The following UBR3 variants were observed in gnomAD, a reference collection of about 807,000 sequenced individuals.
The protein encoded by UBR3 is E3 ubiquitin-protein ligase UBR3.
Under a neutral mutation model 243.2 loss-of-function variants are expected in UBR3, and 85 were observed. That is an observed-to-expected ratio of 0.35 (90% CI 0.29 to 0.42). The LOEUF (loss-of-function observed/expected upper bound fraction) is 0.42, where lower values mean the gene tolerates loss of function less well. UBR3 is among the 10% of genes least tolerant of loss of function. The pLI is 1.00. For missense variants in UBR3, 1,686 were observed against 2,300.8 expected (o/e 0.73, Z 5.47); for synonymous variants, 748 against 799.8 (o/e 0.94, Z 1.09).
intron 5 of UBR3, among the ~76,000 whole-genome samples, chr2:169,890,538 GAGATATATAT>G (rs1363872256): frequency 1.3e-5 from 1 of 77,572 alleles, no homozygotes; most frequent in Non-Finnish European, 2.3e-5. Context: ...GAGAGAGAGA[GAGATATATAT>G]ATATATATAT....
In UBR3 at chr2:170,001,912, C is replaced by CAA. The variant is rs71006062; in HGVS notation, c.4029+527_4029+528dup. Reference sequence around the variant, plus strand: ...TGGGCAACAGAGAGAGACTCCATCTCAAAAAAAAAAAAAAAAAAAAAAAAA... The same window carrying CAA: ...TGGGCAACAGAGAGAGACTCCATCTCAAAAAAAAAAAAAAAAAAAAAAAAAAA... On this transcript the variant is annotated intron_variant, in intron 27 of 38. Coordinates refer to ENST00000272793, the MANE Select transcript of UBR3 (RefSeq NM_172070.4). Among the ~76,000 whole-genome samples, 60 of 67,486 alleles carry CAA rather than the reference C, an allele frequency of 8.9e-4. 1 individual carries two copies. The highest frequency in any genetic ancestry group is 2.4e-3 in the African/African-American group (34 of 14,110). The allele number at this position is 67,486 out of a possible 152,430, so 44.3% of individuals were successfully genotyped here.
chr2:169,914,016 T>C (rs748353153), intron 10 of UBR3, 44 bp from the exon 11 acceptor site: 1 of 901,244 alleles, frequency 1.1e-6, no homozygotes, highest in Non-Finnish European at 1.5e-6. Context: ...TGAAAATATA[T>C]GTTTATATAT....
At position 169,841,960 on chromosome 2, in the gene UBR3, C is replaced by G. The variant is rs1021838262; in HGVS notation, c.545+13908C>G. ...TGGCAGGCAGCTCCACCTGTAGCCC[C>G]GGTGCGGGATCCACTAGGTGAAGCC... On this transcript the variant is annotated intron_variant, in intron 1 of 38. Coordinates refer to ENST00000272793, the MANE Select transcript of UBR3 (RefSeq NM_172070.4). 7.2e-5 allele frequency among the ~76,000 whole-genome samples: 11 copies of G among 152,354 alleles called. No individual in the cohort carries two copies. The East Asian group carries it at 1.9e-3, about 27-fold the overall frequency.
chr2:169,938,296 C>G (rs1255506988), intron 19 of UBR3, among the ~76,000 whole-genome samples: 1 of 147,918 alleles, frequency 6.8e-6, no homozygotes, highest in African/African-American at 2.5e-5. Context: ...TTTTGAGACA[C>G]TGTCACTCTG....
Position 169,868,809 on chromosome 2 carries a change from AAGACTAAAAT to A in UBR3, c.546-3425_546-3416del, listed in dbSNP as rs1330613715. Among the ~76,000 whole-genome samples, 3 of 152,346 alleles carry A rather than the reference AAGACTAAAAT, an allele frequency of 2.0e-5. No homozygotes were observed. In the East Asian group the frequency reaches 5.8e-4, roughly 29 times the overall value. On this transcript the variant is annotated intron_variant, in intron 1 of 38. Coordinates refer to ENST00000272793, the MANE Select transcript of UBR3 (RefSeq NM_172070.4). ...CCTCGGAAAGGAATTTCCTTTTTGA[AAGACTAAAAT>A]ATGCCTTTCAAAAATTCTTTTCAGA...
At chr2:169,995,760 A>T (rs529638690) in intron 26 of UBR3, among the ~76,000 whole-genome samples, 1 of 152,196 alleles carries the variant, frequency 6.6e-6, no homozygotes, top group African/African-American at 2.4e-5. Context: ...TTACAAACTT[A>T]GTAGTTTTTT....
intron 11 of UBR3, among the ~76,000 whole-genome samples, chr2:169,916,731 C>T (rs2085478627): frequency 6.6e-6 from 1 of 152,088 alleles, no homozygotes; most frequent in Admixed American, 6.5e-5. Flanking sequence ...TTTGATTCCC[C>T]ATGCCAGGTC....
intron 24 of UBR3, among the ~76,000 whole-genome samples, chr2:169,966,202 A>C (rs947825133): frequency 6.6e-6 from 1 of 152,016 alleles, no homozygotes; most frequent in South Asian, 2.1e-4. Flanking sequence ...CTAGCCATCT[A>C]TGTGTAGGAG....
chr2:169,915,694 C>A (rs536257909), intron 11 of UBR3, among the ~76,000 whole-genome samples: 1 of 152,052 alleles, frequency 6.6e-6, no homozygotes, highest in Non-Finnish European at 1.5e-5. Context: ...AATGATGTTC[C>A]CTTTGATCAC....
At position 169,928,873 on chromosome 2, in the gene UBR3, G is replaced by T; in HGVS notation, c.2566+5G>T. 1 of 1,401,764 alleles carries T rather than the reference G, an allele frequency of 7.1e-7. No homozygotes were observed. 86.8% of individuals were successfully genotyped at this position (1,401,764 alleles called of 1,614,324 possible). A position where few individuals can be genotyped will look rare whatever the true frequency, so the allele number is the denominator to read the frequency against. ...AAGGCATGTATACTCCCAAAGGTAT[G>T]TTTATATACATAAATGGACTCTTTC... is the stretch of plus-strand genomic sequence containing the variant. On this transcript the variant is annotated splice_donor_5th_base_variant and intron_variant, in intron 18 of 38. Transcript: ENST00000272793.
At chr2:170,067,369 A>G (rs978535868) in intron 35 of UBR3, among the ~76,000 whole-genome samples, 1 of 152,202 alleles carries the variant, frequency 6.6e-6, no homozygotes, top group Admixed American at 6.5e-5. Flanking sequence ...CCCAAATTAT[A>G]TAAACAAATG....
At chr2:170,048,163 AT>A (rs2091132876) in intron 32 of UBR3, among the ~76,000 whole-genome samples, 1 of 152,188 alleles carries the variant, frequency 6.6e-6, no homozygotes. Flanking sequence ...CTTTAGGATC[AT>A]TGTGAGGATC....
At position 169,866,150 on chromosome 2, in the gene UBR3, C is replaced by CAAAAAAAAAAA. The variant is rs578054467; in HGVS notation, c.546-6066_546-6056dup. Among the ~76,000 whole-genome samples, 13 of 53,382 alleles carry CAAAAAAAAAAA rather than the reference C, an allele frequency of 2.4e-4. 1 individual carries two copies. The highest frequency in any genetic ancestry group is 9.5e-4 in the African/African-American group (9 of 9,462). The allele number at this position is 53,382 out of a possible 152,430, so 35.0% of individuals were successfully genotyped here. Reference sequence around the variant, plus strand: ...TGGGCAACAGAGCGAGACTGTGTCTCAAAAAAAAAAAAAAAAAAAAAAAAA... The same window carrying CAAAAAAAAAAA: ...TGGGCAACAGAGCGAGACTGTGTCTCAAAAAAAAAAAAAAAAAAAAAAAAAAAAAAAAAAAA... On this transcript the variant is annotated intron_variant, in intron 1 of 38. Coordinates refer to ENST00000272793, the MANE Select transcript of UBR3 (RefSeq NM_172070.4).
At chr2:169,845,699 C>T (rs2082457308) in intron 1 of UBR3, among the ~76,000 whole-genome samples, 1 of 151,550 alleles carries the variant, frequency 6.6e-6, no homozygotes, top group African/African-American at 2.4e-5. Context: ...GATTCTTGTG[C>T]CTCAGCCTCC....
chr2:169,925,283 G>T (rs1392292511), intron 13 of UBR3, among the ~76,000 whole-genome samples: 3 of 152,102 alleles, frequency 2.0e-5, no homozygotes, highest in Non-Finnish European at 4.4e-5. Context: ...GATTGTTGTT[G>T]TTGTTACTTA....
intron 1 of UBR3, among the ~76,000 whole-genome samples, chr2:169,863,505 T>C (rs1229471929): frequency 6.6e-6 from 1 of 152,214 alleles, no homozygotes; most frequent in Non-Finnish European, 1.5e-5. Context: ...CTATTTAACC[T>C]TCTTAATCTT....
chr2:169,914,560 G>A (rs534587335), intron 11 of UBR3, among the ~76,000 whole-genome samples: 1 of 152,280 alleles, frequency 6.6e-6, no homozygotes, highest in South Asian at 2.1e-4. Flanking sequence ...TGTCAGAGTA[G>A]GAAAAGATGG....
Position 169,902,514 on chromosome 2 carries a change from T to G in UBR3, c.1466-2600T>G, listed in dbSNP as rs117973805. Among the ~76,000 whole-genome samples the G allele has an allele frequency of 2.0e-5, 3 of 149,986 alleles. No homozygotes were observed. The East Asian group carries it at 5.9e-4, about 30-fold the overall frequency. ...TCTTAGGTACTGCTCCTTCCGCGTA[T>G]AGCACCATCTGCTCCACCATCACTA... On this transcript the variant is annotated intron_variant, in intron 8 of 38. Transcript: ENST00000272793.
At chr2:169,881,659 G>T (rs2083834025) in intron 5 of UBR3, among the ~76,000 whole-genome samples, 1 of 133,662 alleles carries the variant, frequency 7.5e-6, no homozygotes, top group Non-Finnish European at 1.6e-5. Flanking sequence ...AGGCTAGAGT[G>T]CAGTGATACT....
Sources: gnomAD v4.1 joint callset for allele counts (sites outside exome capture counted in the v4.1 genomes callset) on GRCh38, gnomAD v4.1.1 for gene constraint, MANE v1.5 for transcripts, NCBI Gene and HGNC (gene_info 2026-07-23, HGNC 2026-07-21) for gene names.